FGF13: variants seen among roughly 807,000 people sequenced by gnomAD.
FGF13 encodes fibroblast growth factor homologous factor 2.
A neutral mutation model predicts 19.5 loss-of-function variants in FGF13; 2 were observed. The observed-to-expected ratio is 0.10, with a 90% CI of 0.04 to 0.32. The LOEUF (loss-of-function observed/expected upper bound fraction) is 0.32. FGF13 is among the 10% of genes least tolerant of loss of function. The probability of loss-of-function intolerance (pLI) is 1.00; values close to 1 mark genes in which losing one functional copy is unlikely to be tolerated. For missense variants in FGF13, 113 were observed against 192.7 expected (o/e 0.59, Z 2.45); for synonymous variants, 72 against 76.9 (o/e 0.94, Z 0.33).
intron 3 of FGF13, among the ~76,000 whole-genome samples, chrX:138,670,376 T>C (rs182365787): frequency 2.6e-3 from 296 of 112,024 alleles, no homozygotes; most frequent in African/African-American, 9.1e-3. Context: ...ATAAAGATGA[T>C]GCATGCATAA....
chrX:138,830,491 G>A (rs1035350750), intron 3 of FGF13, among the ~76,000 whole-genome samples: 2 of 111,922 alleles, frequency 1.8e-5, no homozygotes, highest in South Asian at 3.7e-4. Flanking sequence ...CATAATTTAA[G>A]AGTGGTGAAT....
chrX:138,712,423 T>A (rs2090063851), upstream of FGF13, among the ~76,000 whole-genome samples: 1 of 110,708 alleles, frequency 9.0e-6, no homozygotes, highest in Non-Finnish European at 1.9e-5. Flanking sequence ...AAATGCAGAG[T>A]CGAACCTCTC....
intron 1 of FGF13, among the ~76,000 whole-genome samples, chrX:138,884,712 A>T (rs1225114158): frequency 8.9e-6 from 1 of 112,159 alleles, no homozygotes; most frequent in African/African-American, 3.2e-5. Context: ...AGAAAAGGAC[A>T]AATACTACAT....
chrX:138,841,006 G>T (rs1207867210), intron 3 of FGF13, among the ~76,000 whole-genome samples: 4 of 111,218 alleles, frequency 3.6e-5, no homozygotes, highest in African/African-American at 9.8e-5. Context: ...TAATCCATAT[G>T]GCAGGTCTTG....
chrX:138,880,983 G>T (rs769821166), intron 1 of FGF13, among the ~76,000 whole-genome samples: 2 of 111,666 alleles, frequency 1.8e-5, no homozygotes, highest in Non-Finnish European at 3.8e-5. Flanking sequence ...AATTTTGATA[G>T]GGATTGCACT....
chrX:138,800,870 A>C, intron 3 of FGF13, among the ~76,000 whole-genome samples: 1 of 111,877 alleles, frequency 8.9e-6, no homozygotes, highest in East Asian at 2.8e-4. Context: ...CCACTTGATC[A>C]ATTCAGCAAC....
chrX:138,687,357 T>C (rs1327208533), intron 3 of FGF13, among the ~76,000 whole-genome samples: 2 of 111,891 alleles, frequency 1.8e-5, no homozygotes, highest in Admixed American at 1.9e-4. Flanking sequence ...TGAATAGACA[T>C]TTCTCAAAGG....
At chrX:138,749,025 A>T (rs910884074) in intron 3 of FGF13, among the ~76,000 whole-genome samples, 1 of 111,252 alleles carries the variant, frequency 9.0e-6, no homozygotes, top group Non-Finnish European at 1.9e-5. Flanking sequence ...TTGTGAACAA[A>T]ACCTAGTCCC....
At chrX:138,901,711 C>T (rs2091532257) in intron 1 of FGF13, among the ~76,000 whole-genome samples, 1 of 111,446 alleles carries the variant, frequency 9.0e-6, no homozygotes, top group Non-Finnish European at 1.9e-5. Flanking sequence ...TGAGATATCT[C>T]CATCCAGCTA....
chrX:139,158,178 G>A lies in FGF13; in HGVS notation c.-113+45238C>T, dbSNP rs762746471. ...CTGGGTTTCAAGCACAAAACGGTGC[G>A]GCCATTTGGGCAGACACCTAGCTAG... On this transcript the variant is annotated intron_variant, in intron 1 of 2. Coordinates refer to the FGF13 transcript ENST00000421460. Among the ~76,000 whole-genome samples, 7 of 108,729 alleles carry A rather than the reference G, an allele frequency of 6.4e-5. No individual in the cohort carries two copies. In the South Asian group the frequency reaches 1.2e-3, roughly 19 times the overall value. 94.4% of individuals were successfully genotyped at this position (108,729 alleles called of 115,157 possible). A position where few individuals can be genotyped will look rare whatever the true frequency, so the allele number is the denominator to read the frequency against.
chrX:138,970,664 G>A (rs1450520161), intron 1 of FGF13, among the ~76,000 whole-genome samples: 2 of 111,240 alleles, frequency 1.8e-5, no homozygotes, highest in Non-Finnish European at 3.8e-5. Flanking sequence ...ATTTGCTAGT[G>A]ACTAACAAAA....
At chrX:138,783,360 C>T (rs2090663080) in intron 3 of FGF13, among the ~76,000 whole-genome samples, 1 of 104,110 alleles carries the variant, frequency 9.6e-6, no homozygotes, top group South Asian at 4.5e-4. Flanking sequence ...AAGAAACTAC[C>T]ATCAGAGTGA....
upstream of FGF13, among the ~76,000 whole-genome samples, chrX:138,740,876 G>T (rs1293882198): frequency 1.8e-5 from 2 of 112,408 alleles, no homozygotes; most frequent in East Asian, 5.6e-4. Context: ...TGCAAATTCT[G>T]TAGCCAGTCC....
At chrX:138,976,586 T>C (rs1043104385) in intron 1 of FGF13, among the ~76,000 whole-genome samples, 1 of 111,508 alleles carries the variant, frequency 9.0e-6, no homozygotes, top group African/African-American at 3.3e-5. Context: ...AAAAATGATA[T>C]ATTGGGTACA....
chrX:138,644,631 AC>A (rs2089287805), intron 3 of FGF13, among the ~76,000 whole-genome samples: 1 of 111,627 alleles, frequency 9.0e-6, no homozygotes, highest in South Asian at 3.7e-4. Context: ...CAGCTCTGTT[AC>A]ATTTGGTAGG....
intron 1 of FGF13, among the ~76,000 whole-genome samples, chrX:139,124,742 T>C (rs757684165): frequency 6.1e-4 from 69 of 112,292 alleles, no homozygotes; most frequent in Non-Finnish European, 1.0e-3. Flanking sequence ...ATCAAAAGCA[T>C]CTCTATGGAG....
chrX:139,090,609 C>T (rs180758213), intron 1 of FGF13, among the ~76,000 whole-genome samples: 2 of 110,562 alleles, frequency 1.8e-5, no homozygotes, highest in Non-Finnish European at 3.8e-5. Context: ...CTCTGCCCTC[C>T]GATAGGCCCC....
intron 3 of FGF13, chrX:138,806,949 A>G (rs2090873025): frequency 9.0e-6 from 1 of 111,512 alleles, no homozygotes; most frequent in African/African-American, 3.3e-5. Flanking sequence ...TACGCAGAGG[A>G]TATCAAATTG....
intron 1 of FGF13, among the ~76,000 whole-genome samples, chrX:138,911,978 T>C (rs752699702): frequency 8.9e-6 from 1 of 112,070 alleles, no homozygotes; most frequent in Non-Finnish European, 1.9e-5. Context: ...GTAACACCCT[T>C]GGTCTCTGAG....
Sources: allele counts gnomAD v4.1 joint callset (sites outside exome capture counted in the v4.1 genomes callset), GRCh38; gene constraint gnomAD v4.1.1; transcripts MANE v1.5; gene names NCBI Gene and HGNC (gene_info 2026-07-23, HGNC 2026-07-21).